The following ZFAND2A variants were observed in gnomAD, a reference collection of about 807,000 sequenced individuals.
The protein encoded by ZFAND2A is AN1-type zinc finger protein 2A.
A neutral mutation model predicts 11.6 loss-of-function variants in ZFAND2A; 20 were observed. That is an observed-to-expected ratio of 1.72 (90% CI 1.21 to 2.50). The LOEUF (loss-of-function observed/expected upper bound fraction) is 2.50. ZFAND2A is among the 30% of genes most tolerant of loss of function. The pLI is 0.00. For missense variants in ZFAND2A, 234 were observed against 182.9 expected (o/e 1.28, Z -1.61); for synonymous variants, 93 against 60.6 (o/e 1.54, Z -2.48).
rs561193479 is a variant in ZFAND2A, at chr7:1,159,973, G to A, written c.-55C>T. ...AATCCCGGCCCCGTACCTGGCTCTCGTCGGGGACCCAGGCAGCTGAGGTGA... is the reference window on the plus strand; with the variant it reads ...AATCCCGGCCCCGTACCTGGCTCTCATCGGGGACCCAGGCAGCTGAGGTGA... On this transcript the variant is annotated 5_prime_UTR_variant, in exon 1 of 5. In the 5' UTR this introduces an upstream ATG that the reference lacks. Transcript: ENST00000316495. The A allele has an allele frequency of 2.7e-3, 432 of 159,936 alleles. 2 individuals are homozygous for A. The highest frequency in any genetic ancestry group is 8.0e-3 in the South Asian group (61 of 7,600). The allele number at this position is 159,936 out of a possible 1,614,324, so 9.9% of individuals were successfully genotyped here.
At position 1,157,770 on chromosome 7, in the gene ZFAND2A, G is replaced by T. The variant is rs971878017; in HGVS notation, c.56-20C>A. The T allele has an allele frequency of 6.6e-7, 1 of 1,520,936 alleles. No individual in the cohort carries two copies. Among genetic ancestry groups the T allele is most frequent in the South Asian group, 1.2e-5 (1 of 80,654 alleles). 94.2% of individuals were successfully genotyped at this position (1,520,936 alleles called of 1,614,324 possible). On this transcript the variant is annotated intron_variant, in intron 2 of 4. Coordinates refer to ENST00000316495, the MANE Select transcript of ZFAND2A (RefSeq NM_182491.4). ...GAAAATCTAAAAAACAAAAAACAGG[G>T]AAGTGTTTTAACGACTGGAACAAAA...
chr7:1,158,399 G>T (rs1399967997), intron 1 of ZFAND2A, 142 bp from the exon 2 acceptor site: 1 of 583,222 alleles, frequency 1.7e-6, no homozygotes, highest in Admixed American at 3.2e-5. Flanking sequence ...AATACCAGGT[G>T]TCCGCCATTC....
At chr7:1,159,779 G>A (rs4521661) in intron 1 of ZFAND2A, among the ~76,000 whole-genome samples, 185 bp downstream of exon 1, 534 of 25,876 alleles carry the variant, frequency 0.021, 67 homozygotes, top group Middle Eastern at 0.045. Context: ...CGGACCCCCA[G>A]CAGCCAGACC....
intron 3 of ZFAND2A, among the ~76,000 whole-genome samples, chr7:1,156,602 G>A (rs979094437): frequency 2.6e-5 from 4 of 151,862 alleles, no homozygotes; most frequent in Non-Finnish European, 4.4e-5. Flanking sequence ...GGGGTGGACC[G>A]CCCAGCAGCT....
At chr7:1,151,302 T>C (rs1793393113), downstream of ZFAND2A, among the ~76,000 whole-genome samples, 2 of 152,172 alleles carry the variant, frequency 1.3e-5, no homozygotes, top group Non-Finnish European at 2.9e-5. Flanking sequence ...CACGCAGCTG[T>C]GCCCTCAAAC....
chr7:1,158,223 G>A lies in ZFAND2A; in HGVS notation c.-11C>T. 6.2e-7 allele frequency: 1 copy of A among 1,613,754 alleles called. No homozygotes were observed. Among genetic ancestry groups the A allele is most frequent in the Non-Finnish European group, 8.5e-7 (1 of 1,179,880 alleles). ...ATCAGGAAACTCCATTATGAGAACAGTGCTCAAAACGCAGATGGCGGAGTT... is the reference window on the plus strand; with the variant it reads ...ATCAGGAAACTCCATTATGAGAACAATGCTCAAAACGCAGATGGCGGAGTT... On this transcript the variant is annotated 5_prime_UTR_variant, in exon 2 of 5. Coordinates refer to ENST00000316495, the MANE Select transcript of ZFAND2A (RefSeq NM_182491.4).
At chr7:1,152,151 C>T (rs1056701927), downstream of ZFAND2A, 31 of 1,385,250 alleles carry the variant, frequency 2.2e-5, no homozygotes, top group East Asian at 8.2e-5. Context: ...ACTGGAGCAT[C>T]GCGTCACACT....
chr7:1,159,002 T>C (rs567563309), intron 1 of ZFAND2A, among the ~76,000 whole-genome samples: 31 of 152,164 alleles, frequency 2.0e-4, no homozygotes, highest in African/African-American at 6.7e-4. Context: ...CCTCCTAGAC[T>C]GTCGCCTAAG....
chr7:1,159,553 G>A (rs1204320508), intron 1 of ZFAND2A, among the ~76,000 whole-genome samples: 1 of 93,728 alleles, frequency 1.1e-5, no homozygotes, highest in African/African-American at 4.4e-5. Flanking sequence ...GGCAGGCCCG[G>A]TCCCCAGCAG....
rs1355495858 is a variant in ZFAND2A at position 1,158,264 on chromosome 7, G to C, written c.-45-7C>G. The C allele has an allele frequency of 6.4e-7, 1 of 1,551,862 alleles. No individual in the cohort carries two copies. The highest frequency in any genetic ancestry group is 2.2e-5 in the East Asian group (1 of 44,570). The stretch of plus-strand genomic sequence containing the variant: ...TGGCGGAGTTAAGTGTCACCTACAA[G>C]AGAATCAGAATAGTTAGGAGGAAAG... On this transcript the variant is annotated splice_region_variant and splice_polypyrimidine_tract_variant and intron_variant, in intron 1 of 4. Transcript: ENST00000316495.
At chr7:1,150,779 T>C (rs1793383297), downstream of ZFAND2A, among the ~76,000 whole-genome samples, 1 of 152,166 alleles carries the variant, frequency 6.6e-6, no homozygotes, top group African/African-American at 2.4e-5. Context: ...GCTTCATCAC[T>C]GGACAGAGCC....
At chr7:1,150,462 T>C (rs746358279), downstream of ZFAND2A, among the ~76,000 whole-genome samples, 34 of 152,152 alleles carry the variant, frequency 2.2e-4, no homozygotes, top group Non-Finnish European at 4.6e-4. Context: ...TGACACCCCC[T>C]AAGTTCCCAG....
chr7:1,151,711 A>G (rs1390084556), downstream of ZFAND2A, among the ~76,000 whole-genome samples: 1 of 146,678 alleles, frequency 6.8e-6, no homozygotes. Flanking sequence ...GTGAGCTGAG[A>G]TTGTGCCACT....
chr7:1,153,821 C>T (rs1793456468), intron 4 of ZFAND2A, among the ~76,000 whole-genome samples: 1 of 152,150 alleles, frequency 6.6e-6, no homozygotes, highest in Non-Finnish European at 1.5e-5. Flanking sequence ...GGCGTGGTGC[C>T]TGTAATCCCA....
At chr7:1,152,844 G>A, downstream of ZFAND2A, 1 of 722,078 alleles carries the variant, frequency 1.4e-6, no homozygotes, top group East Asian at 2.9e-5. Context: ...GATTTCTATG[G>A]TTTGAGCCAC....
rs112962358 is a variant in ZFAND2A at position 1,153,092 on chromosome 7, G to A, written c.415C>T (p.Arg139Cys). 10 of 1,614,146 alleles carry A rather than the reference G, an allele frequency of 6.2e-6. No homozygotes were observed. In the East Asian group the frequency reaches 6.7e-5, roughly 11 times the overall value. Residue 139 changes from arginine to cysteine, a missense_variant, in exon 5 of 5, where the codon CGC (arginine) becomes TGC (cysteine). Coordinates refer to ENST00000316495, the MANE Select transcript of ZFAND2A (RefSeq NM_182491.4). ...PLDHSCRHGSRPTIKAG is the reference protein window; with the variant it reads ...PLDHSCRHGSCPTIKAG ...TCTCACCCAGCTTTGATGGTGGGGC[G>A]ACTCCCGTGTCTGCAGCTGTGGTCC...
rs746624542 is a variant in ZFAND2A at position 1,158,150 on chromosome 7, G to A, written c.55+8C>T. 3 of 1,613,146 alleles carry A rather than the reference G, an allele frequency of 1.9e-6. No individual in the cohort carries two copies. Among genetic ancestry groups the A allele is most frequent in the Non-Finnish European group, 2.5e-6 (3 of 1,179,466 alleles). On this transcript the variant is annotated splice_region_variant and intron_variant, in intron 2 of 4. Coordinates refer to ENST00000316495, the MANE Select transcript of ZFAND2A (RefSeq NM_182491.4). ...CCATTTTCTATTAAGTCTCTTAAAA[G>A]TACTCACCTAGCTGCTTGCAAGTCT...
intron 4 of ZFAND2A, 96 bp downstream of exon 4, chr7:1,155,357 A>G (rs772786320): frequency 7.9e-6 from 12 of 1,524,082 alleles, no homozygotes; most frequent in Non-Finnish European, 1.1e-5. Flanking sequence ...CTTTGTACAT[A>G]AACTATTGGG....
intron 3 of ZFAND2A, 37 bp downstream of exon 3, chr7:1,157,619 G>A: frequency 1.3e-6 from 2 of 1,554,670 alleles, no homozygotes; most frequent in Non-Finnish European, 1.7e-6. Context: ...GCTTCAGACG[G>A]TGAAGATGAG....
Sources: gnomAD v4.1 joint callset for allele counts (sites outside exome capture counted in the v4.1 genomes callset) on GRCh38, gnomAD v4.1.1 for gene constraint, MANE v1.5 for transcripts, NCBI Gene and HGNC (gene_info 2026-07-23, HGNC 2026-07-21) for gene names.